Variants in PDE4C observed in about 807,000 individuals in gnomAD.
PDE4C encodes the protein 3',5'-cyclic-AMP phosphodiesterase 4C.
In PDE4C, 50 loss-of-function variants were observed where a neutral mutation model predicts 63.9. The ratio of observed to expected loss-of-function variants is 0.78; its 90% CI spans 0.62 to 0.99. The LOEUF is 0.99. PDE4C is among the 50% of genes least tolerant of loss of function. The pLI is 0.00. For missense variants in PDE4C, 777 were observed against 899.1 expected (o/e 0.86, Z 1.74); for synonymous variants, 377 against 385.1 (o/e 0.98, Z 0.25).
At chr19:18,249,297 CA>C (rs1326111915), upstream of PDE4C, among the ~76,000 whole-genome samples, 2 of 152,052 alleles carry the variant, frequency 1.3e-5, no homozygotes, top group Admixed American at 6.6e-5. Context: ...TGTTTTGAGA[CA>C]GGGTCTCACT....
chr19:18,249,577 A>AT (rs71164388), upstream of PDE4C, among the ~76,000 whole-genome samples: 68,430 of 139,726 alleles, frequency 0.49, 16,620 homozygotes, highest in East Asian at 0.67. Context: ...GCCTGGCCCT[A>AT]TTTTTTTTTT....
intron 2 of PDE4C, among the ~76,000 whole-genome samples, chr19:18,221,922 G>A (rs543863978): frequency 3.9e-5 from 6 of 152,254 alleles, no homozygotes; most frequent in East Asian, 3.9e-4. Flanking sequence ...CACCGTGCCC[G>A]GCCGACCTTA....
chr19:18,239,311 G>T (rs1232928667), intron 1 of PDE4C, among the ~76,000 whole-genome samples: 1 of 152,208 alleles, frequency 6.6e-6, no homozygotes, highest in African/African-American at 2.4e-5. Flanking sequence ...CTGTTTCCAA[G>T]CAGGCTCTGG....
At chr19:18,239,903 G>T (rs1389503416) in intron 1 of PDE4C, among the ~76,000 whole-genome samples, 1 of 151,966 alleles carries the variant, frequency 6.6e-6, no homozygotes, top group Non-Finnish European at 1.5e-5. Flanking sequence ...CTTTGCACCT[G>T]TAATCCCAGC....
intron 1 of PDE4C, among the ~76,000 whole-genome samples, chr19:18,240,443 C>T (rs373423899): frequency 7.5e-4 from 71 of 94,052 alleles, no homozygotes; most frequent in African/African-American, 2.5e-3. Flanking sequence ...AAAAAAAAAA[C>T]GGGGCTGGGC....
chr19:18,248,856 C>G (rs1313409119), upstream of PDE4C, among the ~76,000 whole-genome samples: 1 of 88,456 alleles, frequency 1.1e-5, no homozygotes, highest in South Asian at 4.5e-4. Context: ...AGCCCCATCT[C>G]TACTAAAAAT....
At chr19:18,226,978 C>G (rs74810705), upstream of PDE4C, among the ~76,000 whole-genome samples, 9 of 152,222 alleles carry the variant, frequency 5.9e-5, no homozygotes, top group East Asian at 1.7e-3. Context: ...CTCGGCACGT[C>G]CCTGGTTAGT....
At chr19:18,229,542 G>T (rs575088222), upstream of PDE4C, among the ~76,000 whole-genome samples, 4 of 151,848 alleles carry the variant, frequency 2.6e-5, no homozygotes, top group African/African-American at 9.7e-5. Flanking sequence ...CGCCCATTCT[G>T]ATGCCTTTAG....
chr19:18,221,049 T>TCCGCCAGGCCCCACCCCACC lies in PDE4C; in HGVS notation c.449+55_449+56insGGTGGGGTGGGGCCTGGCGG. ...CCCAGCCTCAATTTGCAGCCCGCTT[T>TCCGCCAGGCCCCACCCCACC]CCGCCCACCTTGTCTCTGCCGGCCC... is the stretch of plus-strand genomic sequence containing the variant. On this transcript the variant is annotated intron_variant, in intron 4 of 14. Coordinates refer to ENST00000262805, the Ensembl canonical transcript of PDE4C. 1.6e-6 allele frequency: 2 copies of TCCGCCAGGCCCCACCCCACC among 1,239,966 alleles called. 1 individual carries two copies. The highest frequency in any genetic ancestry group is 2.3e-6 in the Non-Finnish European group (2 of 874,826). The allele number at this position is 1,239,966 out of a possible 1,614,324, so 76.8% of individuals were successfully genotyped here. A position where few individuals can be genotyped will look rare whatever the true frequency, so the allele number is the denominator to read the frequency against.
chr19:18,250,165 C>A (rs541766710), upstream of PDE4C: 74 of 398,730 alleles, frequency 1.9e-4, 2 homozygotes, highest in African/African-American at 1.4e-3. Context: ...GACAATCTGT[C>A]ATTCACGGAT....
chr19:18,226,605 CTTT>C (rs34009293), upstream of PDE4C: 2,612 of 202,706 alleles, frequency 0.013, no homozygotes, highest in Middle Eastern at 0.018. Flanking sequence ...CTCTCTGCTC[CTTT>C]TTTTTTTTTT....
chr19:18,229,102 A>ATTTTTTTTTTT (rs56379821), upstream of PDE4C, among the ~76,000 whole-genome samples: 1 of 124,548 alleles, frequency 8.0e-6, no homozygotes, highest in African/African-American at 3.1e-5. Context: ...TGCCAAGCTA[A>ATTTTTTTTTTT]TTTTTTTTTT....
In PDE4C at chr19:18,216,773, G is replaced by A. The variant is rs1449297362; in HGVS notation, c.1357C>T (p.Arg453Ter). 2 of 1,613,314 alleles carry A rather than the reference G, an allele frequency of 1.2e-6. No homozygotes were observed. The highest frequency in any genetic ancestry group is 1.7e-5 in the Admixed American group (1 of 59,926). ...ATGACCATCCTGCGCAGACTCAGTCGCTGCTTGGCGCTGAGGTTCTGGAAG... is the reference window on the plus strand; with the variant it reads ...ATGACCATCCTGCGCAGACTCAGTCACTGCTTGGCGCTGAGGTTCTGGAAG... The change falls in exon 12 of 15, where the codon CGA becomes TGA. Residue 453 changes from arginine (R) to a stop codon, truncating the protein, a stop_gained. Transcript: ENST00000262805. LOFTEE classifies it high-confidence loss of function.
upstream of PDE4C, among the ~76,000 whole-genome samples, chr19:18,229,318 G>C (rs1053352764): frequency 6.6e-6 from 1 of 151,790 alleles, no homozygotes; most frequent in African/African-American, 2.4e-5. Context: ...TTGGCTCACT[G>C]CAACCTCTGC....
At chr19:18,253,559 A>AC in the PDE4C span, among the ~76,000 whole-genome samples, 1 of 52,974 alleles carries the variant, frequency 1.9e-5, no homozygotes, top group African/African-American at 9.0e-5. Flanking sequence ...TCAAAAAAAA[A>AC]AAAAACACAC....
At chr19:18,214,948 CA>C (rs34534126) in intron 12 of PDE4C, among the ~76,000 whole-genome samples, 57,103 of 102,406 alleles carry the variant, frequency 0.56, 13,312 homozygotes, top group Middle Eastern at 0.64. Context: ...GACTCCATTT[CA>C]AAAAAAAAAA....
intron 1 of PDE4C, among the ~76,000 whole-genome samples, chr19:18,246,599 C>T (rs1351922150): frequency 6.6e-6 from 1 of 152,054 alleles, no homozygotes; most frequent in Non-Finnish European, 1.5e-5. Flanking sequence ...ACCCTCATTC[C>T]ACACAAAGTT....
upstream of PDE4C, among the ~76,000 whole-genome samples, chr19:18,236,014 C>T (rs1426912469): frequency 6.6e-6 from 1 of 151,918 alleles, no homozygotes; most frequent in East Asian, 1.9e-4. Context: ...GTGATCTCAG[C>T]TCACTGCAAG....
intron 11 of PDE4C, 40 bp downstream of exon 11, chr19:18,218,109 T>G (rs1350943002): frequency 1.3e-5 from 19 of 1,464,772 alleles, no homozygotes; most frequent in Non-Finnish European, 1.8e-5. Flanking sequence ...GGAGGCAGGG[T>G]CCACCTCTTC....
Sources: gnomAD v4.1 joint callset for allele counts (sites outside exome capture counted in the v4.1 genomes callset) on GRCh38, gnomAD v4.1.1 for gene constraint, MANE v1.5 for transcripts, NCBI Gene and HGNC (gene_info 2026-07-23, HGNC 2026-07-21) for gene names.